SLC10A6: variants seen among roughly 807,000 people sequenced by gnomAD.
SLC10A6 encodes the protein sodium-dependent organic anion transporter.
A neutral mutation model predicts 30.0 loss-of-function variants in SLC10A6; 27 were observed. The observed-to-expected ratio is 0.90, with a 90% confidence interval of 0.66 to 1.24. The LOEUF (loss-of-function observed/expected upper bound fraction) is 1.24. Among genes scored for constraint, SLC10A6 ranks in the 50% most tolerant of loss-of-function variants. SLC10A6 has a pLI of 0.00. For missense variants in SLC10A6, 439 were observed against 457.0 expected, an observed-to-expected ratio of 0.96 and a Z score of 0.36; for synonymous variants, 166 against 173.8, an observed-to-expected ratio of 0.95 and a Z score of 0.36.
chr4:86,841,891 C>T (rs549728354), intron 1 of SLC10A6, among the ~76,000 whole-genome samples: 4 of 152,236 alleles, frequency 2.6e-5, no homozygotes, highest in African/African-American at 7.2e-5. Flanking sequence ...TAGAATAGAG[C>T]GTAAGGCCCG....
intron 3 of SLC10A6, among the ~76,000 whole-genome samples, chr4:86,831,207 C>CT (rs916695680): frequency 5.1e-4 from 77 of 152,324 alleles, no homozygotes; most frequent in African/African-American, 1.8e-3. Context: ...AAGGGCAGGA[C>CT]TGCAAAGACA....
At chr4:86,832,468 G>A (rs955311177) in intron 2 of SLC10A6, among the ~76,000 whole-genome samples, 3 of 152,014 alleles carry the variant, frequency 2.0e-5, no homozygotes, top group South Asian at 2.1e-4. Context: ...TTAGCCGGGT[G>A]TGGTGGCCTG....
At chr4:86,838,139 C>A (rs900670173) in intron 1 of SLC10A6, among the ~76,000 whole-genome samples, 4 of 152,246 alleles carry the variant, frequency 2.6e-5, no homozygotes, top group African/African-American at 9.6e-5. Context: ...AAGATTCCCT[C>A]TGTGCTCTCA....
Position 86,848,812 on chromosome 4 carries a change from TGAG to T in SLC10A6, c.301_303del (p.Leu101del). ...GTGCCCCCCGGGCAGCAGCCCATGA[TGAG>T]AACAGCAATAGCTTGGACTGGCTTC... On this transcript the variant is annotated inframe_deletion, in exon 1 of 6. Coordinates refer to ENST00000273905, the MANE Select transcript of SLC10A6 (RefSeq NM_197965.3). 6.2e-7 allele frequency: 1 copy of T among 1,611,964 alleles called. No individual in the cohort carries two copies. The highest frequency in any genetic ancestry group is 8.5e-7 in the Non-Finnish European group (1 of 1,178,092).
chr4:86,836,810 T>C (rs1324958824), intron 1 of SLC10A6, among the ~76,000 whole-genome samples: 3 of 152,144 alleles, frequency 2.0e-5, no homozygotes, highest in African/African-American at 4.8e-5. Flanking sequence ...CAGGCTGGAG[T>C]GCAGTGGCGC....
chr4:86,833,229 G>T, intron 2 of SLC10A6, 77 bp downstream of exon 2: 4 of 1,161,830 alleles, frequency 3.4e-6, no homozygotes, highest in Non-Finnish European at 3.8e-6. Context: ...TGCATAAAGA[G>T]TTATATAATT....
chr4:86,844,036 G>C (rs1746352533), intron 1 of SLC10A6, among the ~76,000 whole-genome samples: 1 of 152,238 alleles, frequency 6.6e-6, no homozygotes, highest in East Asian at 1.9e-4. Flanking sequence ...AAATCAGCCA[G>C]GTGTGGTGGC....
rs1746318574 is a variant in SLC10A6, at chr4:86,842,820, TTCTTTCTTTCTTTCTTTCTTTC to T, written c.377+5897_377+5918del. Among the ~76,000 whole-genome samples, 3 of 49,482 alleles carry T rather than the reference TTCTTTCTTTCTTTCTTTCTTTC, an allele frequency of 6.1e-5. 1 individual carries two copies. The highest frequency in any genetic ancestry group is 6.0e-4 in the African/African-American group (3 of 4,992). 32.5% of individuals were successfully genotyped at this position (49,482 alleles called of 152,430 possible). A position where few individuals can be genotyped will look rare whatever the true frequency, so the allele number is the denominator to read the frequency against. Reference sequence around the variant, plus strand: ...TTTCTTTCTTTCTTTCTTTCTTTCTTTCTTTCTTTCTTTCTTTCTTTCTTTCTTTCTTTCTTTCTTTCTTTCT... The same window carrying T: ...TTTCTTTCTTTCTTTCTTTCTTTCTTTTTCTTTCTTTCTTTCTTTCTTTCT... On this transcript the variant is annotated intron_variant, in intron 1 of 5. Transcript: ENST00000273905.
chr4:86,837,227 GAAAGAAAGAAAGAAAGAA>G lies in SLC10A6; in HGVS notation c.378-3821_378-3804del, dbSNP rs1280186413. On this transcript the variant is annotated intron_variant, in intron 1 of 5. Coordinates refer to ENST00000273905, the MANE Select transcript of SLC10A6 (RefSeq NM_197965.3). ...AGAGAGAGAGAGAGAGAGAGAGAGA[GAAAGAAAGAAAGAAAGAA>G]AGAAAGAAAGAAAGAAAGAAAGAAA... Among the ~76,000 whole-genome samples the G allele has an allele frequency of 6.8e-5, 4 of 58,874 alleles. 1 individual carries two copies. The highest frequency in any genetic ancestry group is 3.7e-4 in the African/African-American group (4 of 10,696). The allele number at this position is 58,874 out of a possible 152,430, so 38.6% of individuals were successfully genotyped here. A position where few individuals can be genotyped will look rare whatever the true frequency, so the allele number is the denominator to read the frequency against.
At position 86,848,846 on chromosome 4, in the gene SLC10A6, A is replaced by G; in HGVS notation, c.270T>C (p.Phe90=). The part of the protein sequence containing the change: ...PFTAYLLAIS[F]SLKPVQAIAV... ...CAATAGCTTGGACTGGCTTCAGAGA[A>G]AAGCTAATGGCCAGGAGATAAGCTG... is the stretch of plus-strand genomic sequence containing the variant. Residue 90 remains phenylalanine (F), a synonymous_variant, in exon 1 of 6, where the codon TTT becomes TTC. Transcript: ENST00000273905. The G allele has an allele frequency of 6.2e-7, 1 of 1,614,198 alleles. No homozygotes were observed.
chr4:86,830,838 T>C (rs1313165660), intron 3 of SLC10A6, among the ~76,000 whole-genome samples: 2 of 152,210 alleles, frequency 1.3e-5, no homozygotes, highest in Admixed American at 1.3e-4. Flanking sequence ...AACTGAAACA[T>C]TTTTAAAATC....
At position 86,848,757 on chromosome 4, in the gene SLC10A6, T is replaced by C. The variant is rs1325527675; in HGVS notation, c.359A>G (p.Asp120Gly). The change falls in exon 1 of 6, where the codon GAT (aspartate) becomes GGT (glycine). Residue 120 changes from aspartate to glycine, a missense_variant. Transcript: ENST00000273905. ...TISNIFTFWVDGDMDLSISMT... is the reference protein window; with the variant it reads ...TISNIFTFWVGGDMDLSISMT... ...TACTTACCTGAGATCCATATCTCCA[T>C]CAACCCAGAAGGTGAAAATGTTAGA... The C allele has an allele frequency of 1.3e-6, 2 of 1,593,638 alleles. No individual in the cohort carries two copies. Among genetic ancestry groups the C allele is most frequent in the Admixed American group, 3.5e-5 (2 of 57,794 alleles).
At position 86,849,273 on chromosome 4, in the gene SLC10A6, T is replaced by C. The variant is rs868065534; in HGVS notation, c.-158A>G. On this transcript the variant is annotated 5_prime_UTR_variant, in exon 1 of 6. Transcript: ENST00000273905. ...AGGTGATTCATCCTAATCTGATCAA[T>C]TTTTTCACAAGTGGCATTATAAAAG... is the stretch of plus-strand genomic sequence containing the variant. The C allele has an allele frequency of 8.6e-6, 7 of 810,740 alleles. No individual in the cohort carries two copies. Among genetic ancestry groups the C allele is most frequent in the African/African-American group, 3.4e-5 (2 of 58,336 alleles). 50.2% of individuals were successfully genotyped at this position (810,740 alleles called of 1,614,324 possible).
At chr4:86,838,125 T>A (rs1038239932) in intron 1 of SLC10A6, among the ~76,000 whole-genome samples, 1 of 152,226 alleles carries the variant, frequency 6.6e-6, no homozygotes, top group African/African-American at 2.4e-5. Context: ...TCAATGATAC[T>A]AAAAAGATTC....
intron 1 of SLC10A6, among the ~76,000 whole-genome samples, chr4:86,835,491 A>T (rs1227462655): frequency 6.6e-6 from 1 of 152,134 alleles, no homozygotes; most frequent in Non-Finnish European, 1.5e-5. Context: ...ACATGGTGAA[A>T]CCCTGTCTCT....
In SLC10A6 at chr4:86,836,244, G is replaced by A. The variant is rs1046406929; in HGVS notation, c.378-2820C>T. ...AGGCTAACACATTTTAAGCGCAATG[G>A]TTCTTAAGAACTTTTAAGTACATAA... On this transcript the variant is annotated intron_variant, in intron 1 of 5. Coordinates refer to ENST00000273905, the MANE Select transcript of SLC10A6 (RefSeq NM_197965.3). Among the ~76,000 whole-genome samples, 22 of 152,192 alleles carry A rather than the reference G, an allele frequency of 1.4e-4. 1 individual carries two copies. The highest frequency in any genetic ancestry group is 1.2e-3 in the Admixed American group (18 of 15,278).
chr4:86,842,780 C>T (rs1451721162), intron 1 of SLC10A6, among the ~76,000 whole-genome samples: 4 of 139,544 alleles, frequency 2.9e-5, no homozygotes, highest in Non-Finnish European at 4.7e-5. Flanking sequence ...AATAAATGGA[C>T]ACCTCTTTTC....
In SLC10A6 at chr4:86,837,277, A is replaced by G. The variant is rs868124994; in HGVS notation, c.378-3853T>C. ...AAAGAAAGAAAGAAAGAAAGAAAGAAAGAAAGAAAAAGAAAGGAAGGAAGG... is the reference window on the plus strand; with the variant it reads ...AAAGAAAGAAAGAAAGAAAGAAAGAGAGAAAGAAAAAGAAAGGAAGGAAGG... On this transcript the variant is annotated intron_variant, in intron 1 of 5. Coordinates refer to ENST00000273905, the MANE Select transcript of SLC10A6 (RefSeq NM_197965.3). Among the ~76,000 whole-genome samples the G allele has an allele frequency of 1.5e-3, 147 of 96,642 alleles. 1 individual carries two copies. The highest frequency in any genetic ancestry group is 6.7e-3 in the African/African-American group (145 of 21,694). The allele number at this position is 96,642 out of a possible 152,430, so 63.4% of individuals were successfully genotyped here. A position where few individuals can be genotyped will look rare whatever the true frequency, so the allele number is the denominator to read the frequency against.
chr4:86,825,377 A>G (rs746619295), intron 5 of SLC10A6, 43 bp downstream of exon 5: 18 of 1,545,198 alleles, frequency 1.2e-5, no homozygotes, highest in Non-Finnish European at 1.6e-5. Context: ...TGGGGTGAAC[A>G]ATTTCCCGTC....
Sources: allele counts gnomAD v4.1 joint callset (sites outside exome capture counted in the v4.1 genomes callset), GRCh38; gene constraint gnomAD v4.1.1; transcripts MANE v1.5; gene names NCBI Gene and HGNC (gene_info 2026-07-23, HGNC 2026-07-21).